SCAMP4: variants seen among roughly 807,000 people sequenced by gnomAD.
SCAMP4 encodes secretory carrier-associated membrane protein 4.
Under a neutral mutation model 32.1 loss-of-function variants are expected in SCAMP4, and 19 were observed. That is an observed-to-expected ratio of 0.59 (90% confidence interval 0.41 to 0.87). The LOEUF is 0.87. SCAMP4 is among the 40% of genes least tolerant of loss of function. SCAMP4 has a pLI of 0.00. For missense variants in SCAMP4, 302 were observed against 309.0 expected, an observed-to-expected ratio of 0.98 and a Z score of 0.17; for synonymous variants, 152 against 132.7, an observed-to-expected ratio of 1.15 and a Z score of -1.00.
At chr19:1,921,224 CACTGCTGTGG>C (rs2013910533) in intron 5 of SCAMP4, 1 of 985,034 alleles carries the variant, frequency 1.0e-6, no homozygotes, top group East Asian at 1.1e-4. Context: ...ACACTCTGTG[CACTGCTGTGG>C]GGCAAGAGGC....
At position 1,910,032 on chromosome 19, in the gene SCAMP4, C is replaced by G. The variant is rs1414629248; in HGVS notation, c.-42+4593C>G. On this transcript the variant is annotated intron_variant, in intron 1 of 6. Coordinates refer to ENST00000316097, the MANE Select transcript of SCAMP4 (RefSeq NM_079834.4). ...CTGTGTGCTGTTCTGGGAGGGGGCC[C>G]CGTGTCCCCCACACTTGGCATGCTT... Among the ~76,000 whole-genome samples the G allele has an allele frequency of 2.6e-5, 4 of 152,202 alleles. No individual in the cohort carries two copies. The East Asian group carries it at 7.7e-4, about 29-fold the overall frequency.
chr19:1,913,058 C>T (rs2013579528), intron 1 of SCAMP4: 1 of 1,603,124 alleles, frequency 6.2e-7, no homozygotes, highest in African/African-American at 1.3e-5. Context: ...GCACCCGCTT[C>T]CGCATCCACG....
In SCAMP4 at chr19:1,925,558, AAG is replaced by A. The variant is rs1317118689; in HGVS notation, c.*1276_*1277del. On this transcript the variant is annotated 3_prime_UTR_variant, in exon 7 of 7. Coordinates refer to ENST00000316097, the MANE Select transcript of SCAMP4 (RefSeq NM_079834.4). ...CACCATTCACAACGGTTGGGCCAAA[AAG>A]AAACTTTTCCTTCATCATTTCCTGC... 6.5e-6 allele frequency: 1 copy of A among 153,142 alleles called. No individual in the cohort carries two copies. The highest frequency in any genetic ancestry group is 1.5e-5 in the Non-Finnish European group (1 of 68,232). The allele number at this position is 153,142 out of a possible 1,614,324, so 9.5% of individuals were successfully genotyped here.
chr19:1,918,867 C>G (rs773236405), intron 4 of SCAMP4, 22 bp from the exon 5 acceptor site: 150 of 1,586,588 alleles, frequency 9.5e-5, no homozygotes, highest in Non-Finnish European at 1.2e-4. Context: ...TGGTAACCGT[C>G]GTGTTTTCTG....
chr19:1,924,161 G>C lies in SCAMP4; in HGVS notation c.567G>C (p.Glu189Asp). The C allele has an allele frequency of 1.9e-6, 3 of 1,612,086 alleles. No homozygotes were observed. The highest frequency in any genetic ancestry group is 2.5e-6 in the Non-Finnish European group (3 of 1,179,146). The change falls in exon 7 of 7, where the codon GAG (glutamate) becomes GAC (aspartate). Residue 189 changes from glutamate to aspartate, a missense_variant. Coordinates refer to ENST00000316097, the MANE Select transcript of SCAMP4 (RefSeq NM_079834.4). ...AGGSFQKAQT[E>D]WNTGTWRNPP... ...GAAGCTTCCAGAAGGCACAGACGGA[G>C]TGGAACACGGGCACTTGGCGGAACC...
intron 1 of SCAMP4, chr19:1,913,129 G>T: frequency 5.7e-6 from 9 of 1,573,300 alleles, no homozygotes; most frequent in Non-Finnish European, 7.7e-6. Flanking sequence ...GAGCAGTGCC[G>T]CTGGCTGGAC....
intron 1 of SCAMP4, among the ~76,000 whole-genome samples, chr19:1,911,607 C>G (rs1267646591): frequency 1.3e-5 from 2 of 152,118 alleles, no homozygotes; most frequent in Admixed American, 6.6e-5. Flanking sequence ...GTGGTGAAAT[C>G]CCATCTCTAC....
rs150966262 is a variant in SCAMP4, at chr19:1,923,070, C to T, written c.396C>T (p.Cys132=). 2,299 of 1,547,286 alleles carry T rather than the reference C, an allele frequency of 1.5e-3. 2 individuals are homozygous for T. Among genetic ancestry groups the T allele is most frequent in the Non-Finnish European group, 1.4e-3 (1,621 of 1,144,954 alleles). Residue 132 remains cysteine, a splice_region_variant and synonymous_variant, in exon 6 of 7, where the codon TGC becomes TGT. Transcript: ENST00000316097. ...QAIGFSGWGA[C]GWLSAIGFFQ... Reference sequence around the variant, plus strand: ...CCACGCACTCTCTTGTCCCTTGCAGCGGCTGGCTGTCGGCAATTGGATTCT... The same window carrying T: ...CCACGCACTCTCTTGTCCCTTGCAGTGGCTGGCTGTCGGCAATTGGATTCT...
Position 1,908,970 on chromosome 19 carries a change from T to C in SCAMP4, c.-42+3531T>C, listed in dbSNP as rs528677461. Among the ~76,000 whole-genome samples, 1 of 152,046 alleles carries C rather than the reference T, an allele frequency of 6.6e-6. No individual in the cohort carries two copies. The highest frequency in any genetic ancestry group is 6.6e-5 in the Admixed American group (1 of 15,248). On this transcript the variant is annotated intron_variant, in intron 1 of 6. Coordinates refer to ENST00000316097, the MANE Select transcript of SCAMP4 (RefSeq NM_079834.4). The surrounding 1 kb of genome is among the most constrained non-coding windows in gnomAD (Gnocchi z 4.2). ...AAATACAAAAATTAGCCGGGCGTGG[T>C]GGCATGTGCCTGTATTCCCAGCTAC...
intron 1 of SCAMP4, chr19:1,911,961 C>T: frequency 2.1e-6 from 3 of 1,402,874 alleles, no homozygotes; most frequent in Non-Finnish European, 2.8e-6. Flanking sequence ...CTAGCCTCAG[C>T]TTTGGTGGCA....
intron 1 of SCAMP4, chr19:1,912,257 C>T: frequency 6.3e-7 from 1 of 1,597,094 alleles, no homozygotes. Flanking sequence ...TGGACAAGCG[C>T]CAGACCTCAC....
Position 1,923,118 on chromosome 19 carries a change from C to G in SCAMP4, c.444C>G (p.Ala148=). The G allele has an allele frequency of 6.4e-7, 1 of 1,552,998 alleles. No homozygotes were observed. The highest frequency in any genetic ancestry group is 8.7e-7 in the Non-Finnish European group (1 of 1,147,926). The change falls in exon 6 of 7, where the codon GCC becomes GCG. Residue 148 remains alanine (A), a synonymous_variant. Coordinates refer to ENST00000316097, the MANE Select transcript of SCAMP4 (RefSeq NM_079834.4). ...TCTTCCAGTACAGCCCGGGCGCTGC[C>G]GTGGTCATGCTGCTTCCAGCCATCA... The part of the protein sequence containing the change: ...IGFFQYSPGA[A]VVMLLPAIMF...
chr19:1,922,397 G>T, intron 5 of SCAMP4: 1 of 683,238 alleles, frequency 1.5e-6, no homozygotes, highest in Non-Finnish European at 1.8e-6. Flanking sequence ...CTCATGCCTG[G>T]CTAATTTTTG....
At chr19:1,915,218 C>T (rs988150648) in intron 2 of SCAMP4, among the ~76,000 whole-genome samples, 192 bp downstream of exon 2, 1 of 152,166 alleles carries the variant, frequency 6.6e-6, no homozygotes, top group Non-Finnish European at 1.5e-5. Flanking sequence ...ACAGCAGAGC[C>T]GCCTGTGTAT....
chr19:1,910,087 G>A (rs920001687), intron 1 of SCAMP4, among the ~76,000 whole-genome samples: 1 of 152,178 alleles, frequency 6.6e-6, no homozygotes, highest in Non-Finnish European at 1.5e-5. Flanking sequence ...CAGACTCCGT[G>A]CATCTGTGGG....
chr19:1,913,082 C>G, intron 1 of SCAMP4: 1 of 1,601,312 alleles, frequency 6.2e-7, no homozygotes, highest in Non-Finnish European at 8.5e-7. Context: ...GGCCCGACCT[C>G]AACCACCGCT....
rs2014046953 is a variant in SCAMP4, at chr19:1,924,786, A to G, written c.*502A>G. On this transcript the variant is annotated 3_prime_UTR_variant, in exon 7 of 7. Transcript: ENST00000316097. ...TCGGGGCCAGCTTCCGGTCCCCTGC[A>G]GTGATAGAGGGCTTGGTGCCTAGCT... is the stretch of plus-strand genomic sequence containing the variant. 1 of 187,080 alleles carries G rather than the reference A, an allele frequency of 5.3e-6. No individual in the cohort carries two copies. The highest frequency in any genetic ancestry group is 2.3e-5 in the African/African-American group (1 of 43,478). The allele number at this position is 187,080 out of a possible 1,614,324, so 11.6% of individuals were successfully genotyped here.
intron 1 of SCAMP4, chr19:1,914,687 C>T (rs972920604): frequency 2.3e-5 from 11 of 471,548 alleles, no homozygotes; most frequent in East Asian, 7.8e-5. Context: ...ATTTGGGGGA[C>T]GCAGGGGCCT....
In SCAMP4 at chr19:1,912,134, C is replaced by G; in HGVS notation, c.-41-2845C>G. 6.4e-7 allele frequency: 1 copy of G among 1,556,352 alleles called. No individual in the cohort carries two copies. The highest frequency in any genetic ancestry group is 1.9e-5 in the Admixed American group (1 of 52,042). On this transcript the variant is annotated intron_variant, in intron 1 of 6. Coordinates refer to ENST00000316097, the MANE Select transcript of SCAMP4 (RefSeq NM_079834.4). ...CGGGCCTCGTGGAGCAGCCCAAGTG[C>G]TTGGAGGCCGGGAGCCCGGAGCCTG...
Sources: gnomAD v4.1 joint callset for allele counts (sites outside exome capture counted in the v4.1 genomes callset) on GRCh38, gnomAD v4.1.1 for gene constraint, Gnocchi (gnomAD v3.1) non-coding constraint, MANE v1.5 for transcripts, NCBI Gene and HGNC (gene_info 2026-07-23, HGNC 2026-07-21) for gene names.